The following KCTD8 variants were observed in gnomAD, a reference collection of about 807,000 sequenced individuals.
The protein encoded by KCTD8 is BTB/POZ domain-containing protein KCTD8.
In KCTD8, 27 loss-of-function variants were observed where a neutral mutation model predicts 31.5. The observed-to-expected ratio is 0.86, with a 90% CI of 0.63 to 1.18. KCTD8 has a LOEUF of 1.18. Among genes scored for constraint, KCTD8 ranks in the 50% most tolerant of loss-of-function variants. The pLI, the probability that KCTD8 is intolerant of heterozygous loss-of-function variation, is 0.00. For synonymous variants in KCTD8, 290 were observed against 280.0 expected, an observed-to-expected ratio of 1.04 and a Z score of -0.36; for missense variants, 658 against 647.7, an observed-to-expected ratio of 1.02 and a Z score of -0.17.
intron 1 of KCTD8, among the ~76,000 whole-genome samples, chr4:44,442,236 T>C (rs1450116212): frequency 6.6e-6 from 1 of 152,170 alleles, no homozygotes; most frequent in Admixed American, 6.5e-5. Flanking sequence ...TAAAGAGTTA[T>C]TTAATCTTAT....
chr4:44,199,825 G>A (rs1714077960), intron 1 of KCTD8, among the ~76,000 whole-genome samples: 1 of 151,854 alleles, frequency 6.6e-6, no homozygotes, highest in South Asian at 2.1e-4. Flanking sequence ...GAATGAAACT[G>A]AGATGCAAAA....
At chr4:44,311,896 G>A (rs983480807) in intron 1 of KCTD8, among the ~76,000 whole-genome samples, 1 of 149,606 alleles carries the variant, frequency 6.7e-6, no homozygotes, top group African/African-American at 2.5e-5. Flanking sequence ...AACTAGTACA[G>A]AGCTTAAATA....
chr4:44,371,439 T>C (rs1420548963), intron 1 of KCTD8, among the ~76,000 whole-genome samples: 1 of 152,192 alleles, frequency 6.6e-6, no homozygotes, highest in Non-Finnish European at 1.5e-5. Flanking sequence ...TTGGCTTTCG[T>C]ATCCCTGAGG....
intron 1 of KCTD8, among the ~76,000 whole-genome samples, chr4:44,358,683 C>T (rs1421778470): frequency 6.6e-6 from 1 of 152,162 alleles, no homozygotes; most frequent in African/African-American, 2.4e-5. Flanking sequence ...ATTCTCCTGC[C>T]TCAGCCTCCC....
intron 1 of KCTD8, among the ~76,000 whole-genome samples, chr4:44,299,194 A>G (rs977741026): frequency 1.3e-5 from 2 of 152,172 alleles, no homozygotes; most frequent in Admixed American, 6.5e-5. Context: ...ACCCAAAGGT[A>G]AGCATTGCTA....
intron 1 of KCTD8, among the ~76,000 whole-genome samples, chr4:44,195,375 G>A (rs1364955886): frequency 3.9e-5 from 6 of 152,182 alleles, no homozygotes; most frequent in East Asian, 3.9e-4. Flanking sequence ...AACATTAACC[G>A]ATGACTAGGG....
At chr4:44,239,152 A>C (rs1044263154) in intron 1 of KCTD8, among the ~76,000 whole-genome samples, 1 of 152,200 alleles carries the variant, frequency 6.6e-6, no homozygotes, top group African/African-American at 2.4e-5. Context: ...ATGTGGTCTC[A>C]TCTCTCTGTA....
chr4:44,190,014 C>T (rs1339455884), intron 1 of KCTD8, among the ~76,000 whole-genome samples: 4 of 152,108 alleles, frequency 2.6e-5, no homozygotes, highest in Non-Finnish European at 4.4e-5. Flanking sequence ...TTTTCCTCAC[C>T]TTCAGTCTTC....
At chr4:44,181,522 G>A (rs1033922295) in intron 1 of KCTD8, among the ~76,000 whole-genome samples, 2 of 152,214 alleles carry the variant, frequency 1.3e-5, no homozygotes, top group South Asian at 2.1e-4. Flanking sequence ...CGCCGGGATT[G>A]CAGACGGAGT....
chr4:44,379,398 C>T (rs1720002717), intron 1 of KCTD8, among the ~76,000 whole-genome samples: 1 of 152,056 alleles, frequency 6.6e-6, no homozygotes, highest in South Asian at 2.1e-4. Flanking sequence ...TAGAGCGCAC[C>T]AAGTGATAGA....
intron 1 of KCTD8, among the ~76,000 whole-genome samples, chr4:44,270,536 T>TATA (rs1185907404): frequency 1.3e-5 from 2 of 151,710 alleles, no homozygotes; most frequent in South Asian, 2.1e-4. Context: ...AAACTTAAAG[T>TATA]ATAATAATAA....
In KCTD8 at chr4:44,400,055, T is replaced by C. The variant is rs566494093; in HGVS notation, c.961+47508A>G. Among the ~76,000 whole-genome samples the C allele has an allele frequency of 2.6e-5, 4 of 152,316 alleles. No individual in the cohort carries two copies. The South Asian group carries it at 8.3e-4, about 32-fold the overall frequency. On this transcript the variant is annotated intron_variant, in intron 1 of 1. Transcript: ENST00000360029. ...CTATTAACATCAACTCTACTATTTG[T>C]AGTACATTTTCAAATGGTGTGACTG...
rs369955231 is a variant in KCTD8 at position 44,357,500 on chromosome 4, A to G, written c.961+90063T>C. 2.6e-5 allele frequency among the ~76,000 whole-genome samples: 4 copies of G among 152,332 alleles called. No homozygotes were observed. In the South Asian group the frequency reaches 8.3e-4, roughly 32 times the overall value. On this transcript the variant is annotated intron_variant, in intron 1 of 1. Coordinates refer to ENST00000360029, the MANE Select transcript of KCTD8 (RefSeq NM_198353.3). ...AGACCAAAAATCTAAAGTGTATTATAAGAATATTTCAGAGTGTGAAGGGTC... is the reference window on the plus strand; with the variant it reads ...AGACCAAAAATCTAAAGTGTATTATGAGAATATTTCAGAGTGTGAAGGGTC...
At chr4:44,243,452 C>T (rs1715563654) in intron 1 of KCTD8, among the ~76,000 whole-genome samples, 1 of 152,172 alleles carries the variant, frequency 6.6e-6, no homozygotes, top group Admixed American at 6.5e-5. Flanking sequence ...ATTCCTCTAC[C>T]TCTGAGACTA....
chr4:44,313,085 T>C (rs1442409164), intron 1 of KCTD8, among the ~76,000 whole-genome samples: 1 of 152,166 alleles, frequency 6.6e-6, no homozygotes, highest in Non-Finnish European at 1.5e-5. Flanking sequence ...CTGGAACAAA[T>C]TTCCTTGGTG....
chr4:44,408,354 CA>C (rs1442918260), intron 1 of KCTD8, among the ~76,000 whole-genome samples: 1 of 152,016 alleles, frequency 6.6e-6, no homozygotes, highest in Non-Finnish European at 1.5e-5. Flanking sequence ...ATTTATTAAA[CA>C]AAAAATTATG....
At chr4:44,269,629 G>A (rs563102524) in intron 1 of KCTD8, among the ~76,000 whole-genome samples, 2,035 of 152,072 alleles carry the variant, frequency 0.013, 55 homozygotes, top group African/African-American at 0.046. Flanking sequence ...GAAAATTTTC[G>A]CAACCTACTC....
At chr4:44,400,760 C>T (rs995535385) in intron 1 of KCTD8, among the ~76,000 whole-genome samples, 4 of 149,286 alleles carry the variant, frequency 2.7e-5, no homozygotes, top group Non-Finnish European at 4.5e-5. Context: ...TTAGCACTTT[C>T]AATTCTGCAA....
intron 1 of KCTD8, among the ~76,000 whole-genome samples, chr4:44,381,029 T>A (rs1720050653): frequency 6.6e-6 from 1 of 152,074 alleles, no homozygotes; most frequent in South Asian, 2.1e-4. Context: ...CTACCTCAGC[T>A]ATCTAATTAA....
Sources: gnomAD v4.1 joint callset for allele counts (sites outside exome capture counted in the v4.1 genomes callset) on GRCh38, gnomAD v4.1.1 for gene constraint, MANE v1.5 for transcripts, NCBI Gene and HGNC (gene_info 2026-07-23, HGNC 2026-07-21) for gene names.